Variants in KCNAB2 observed in about 807,000 individuals in gnomAD.
The protein encoded by KCNAB2 is voltage-gated potassium channel subunit beta-2.
In KCNAB2, 29 loss-of-function variants were observed where a neutral mutation model predicts 63.6. That is an observed-to-expected ratio of 0.46 (90% CI 0.34 to 0.62). KCNAB2 has a LOEUF of 0.62. Among genes scored for constraint, KCNAB2 ranks in the 20% least tolerant of loss-of-function variants. The pLI, the probability that KCNAB2 is intolerant of heterozygous loss-of-function variation, is 0.01. For missense variants in KCNAB2, 359 were observed against 563.9 expected, an observed-to-expected ratio of 0.64 and a Z score of 3.68; for synonymous variants, 222 against 224.2, an observed-to-expected ratio of 0.99 and a Z score of 0.09.
chr1:6,053,613 A>G (rs1396791461), intron 2 of KCNAB2, among the ~76,000 whole-genome samples: 1 of 152,166 alleles, frequency 6.6e-6, no homozygotes, highest in Non-Finnish European at 1.5e-5. Flanking sequence ...CCAGGCGGCT[A>G]GGCTGGAGGG....
chr1:6,066,231 C>T (rs918775319), intron 2 of KCNAB2, among the ~76,000 whole-genome samples: 2 of 152,212 alleles, frequency 1.3e-5, no homozygotes, highest in African/African-American at 2.4e-5. Flanking sequence ...CAGAGCCTCC[C>T]GTGTGCCGGT....
Position 6,098,632 on chromosome 1 carries a change from G to A in KCNAB2, c.*58G>A, listed in dbSNP as rs1424493977. The A allele has an allele frequency of 2.7e-5, 43 of 1,584,484 alleles. No individual in the cohort carries two copies. The highest frequency in any genetic ancestry group is 4.5e-5 in the East Asian group (2 of 44,322). ...GTTCCCTCCTAGTCTCTGTTCGCTC[G>A]CTTAAGCTGTTTTGAAGCCAAGTGA... On this transcript the variant is annotated 3_prime_UTR_variant, in exon 16 of 16. Transcript: ENST00000378083.
Position 6,097,268 on chromosome 1 carries a change from G to T in KCNAB2, c.1070-1G>T. On this transcript the variant is annotated splice_acceptor_variant, in intron 14 of 15. Transcript: ENST00000378083. LOFTEE classifies it high-confidence loss of function. The stretch of plus-strand genomic sequence containing the variant: ...CCTCACCTTGGGTCTCGCCGCCACA[G>T]CCTGGTGCCTGAGGAATGAGGGAGT... 6.5e-7 allele frequency: 1 copy of T among 1,544,082 alleles called. No individual in the cohort carries two copies. Among genetic ancestry groups the T allele is most frequent in the Non-Finnish European group, 8.8e-7 (1 of 1,142,150 alleles).
At chr1:6,030,223 C>T (rs1659487207), upstream of KCNAB2, among the ~76,000 whole-genome samples, 1 of 152,222 alleles carries the variant, frequency 6.6e-6, no homozygotes, top group South Asian at 2.1e-4. Context: ...TTATCATGCA[C>T]TCATGGAGCA....
chr1:6,014,462 A>G (rs538945868), intron 1 of KCNAB2, among the ~76,000 whole-genome samples: 20 of 152,384 alleles, frequency 1.3e-4, no homozygotes, highest in South Asian at 4.1e-4. Flanking sequence ...ATTTCAGTGC[A>G]GGAGGGAGAA....
chr1:6,083,237 G>A (rs1468400715), intron 5 of KCNAB2, among the ~76,000 whole-genome samples: 2 of 152,188 alleles, frequency 1.3e-5, no homozygotes, highest in Non-Finnish European at 2.9e-5. Flanking sequence ...AGGGGTCTGA[G>A]GTCAAAAAGC....
In KCNAB2 at chr1:6,040,578, G is replaced by GAATC; in HGVS notation, c.13_16dup (p.Thr6IlefsTer63). 6.2e-7 allele frequency: 1 copy of GAATC among 1,614,182 alleles called. No individual in the cohort carries two copies. Among genetic ancestry groups the GAATC allele is most frequent in the Non-Finnish European group, 8.5e-7 (1 of 1,179,998 alleles). On this transcript the variant is annotated frameshift_variant, in exon 2 of 16. Coordinates refer to the KCNAB2 transcript ENST00000164247. LOFTEE classifies it high-confidence loss of function. ...AAGTGAGGCTGGCTCCATGTATCCAGAATCAACGACGGGCTCCCCGGCTCG... is the reference window on the plus strand; with the variant it reads ...AAGTGAGGCTGGCTCCATGTATCCAGAATCAATCAACGACGGGCTCCCCGGCTCG...
chr1:6,008,909 G>T (rs537584398), intron 1 of KCNAB2, among the ~76,000 whole-genome samples: 1 of 152,310 alleles, frequency 6.6e-6, no homozygotes, highest in East Asian at 1.9e-4. Flanking sequence ...CCTGGGCGGA[G>T]AGTGAGACCC....
At chr1:6,021,695 GT>G (rs1400915598) in intron 1 of KCNAB2, among the ~76,000 whole-genome samples, 1 of 151,444 alleles carries the variant, frequency 6.6e-6, no homozygotes, top group Non-Finnish European at 1.5e-5. Context: ...TGAGGGTATG[GT>G]TCAGTGGTAC....
At chr1:6,006,696 A>AT (rs1355019977) in intron 1 of KCNAB2, among the ~76,000 whole-genome samples, 59 of 38,964 alleles carry the variant, frequency 1.5e-3, no homozygotes, top group African/African-American at 5.4e-3. Flanking sequence ...CAGCTCCCAC[A>AT]TCCCCCACTT....
At chr1:6,023,063 G>A (rs1238787662) in intron 1 of KCNAB2, among the ~76,000 whole-genome samples, 4 of 151,930 alleles carry the variant, frequency 2.6e-5, no homozygotes, top group Non-Finnish European at 4.4e-5. Flanking sequence ...TGTATTTTTA[G>A]TAGAGACGGG....
At chr1:6,098,255 C>A in intron 15 of KCNAB2, 1 of 1,334,764 alleles carries the variant, frequency 7.5e-7, no homozygotes, top group Non-Finnish European at 9.6e-7. Flanking sequence ...TTCTAGGGCA[C>A]CTTGACATTT....
Position 6,051,734 on chromosome 1 carries a change from G to A in KCNAB2, c.198G>A (p.Gln66=). ...TTTCCCTGGACGGCTGCACCGCCCA[G>A]CGCACAGGCATGAAGTATCGGTAAG... ...HGLSLDGCTA[Q]RTGMKYRNLG... The change falls in exon 2 of 16, where the codon CAG becomes CAA. Residue 66 remains glutamine, a synonymous_variant. Transcript: ENST00000378083. 2 of 1,533,362 alleles carry A rather than the reference G, an allele frequency of 1.3e-6. No individual in the cohort carries two copies. The highest frequency in any genetic ancestry group is 1.7e-6 in the Non-Finnish European group (2 of 1,146,492). 95.0% of individuals were successfully genotyped at this position (1,533,362 alleles called of 1,614,324 possible).
At chr1:5,999,089 C>G (rs1189764617) in intron 1 of KCNAB2, among the ~76,000 whole-genome samples, 1 of 152,274 alleles carries the variant, frequency 6.6e-6, no homozygotes, top group Non-Finnish European at 1.5e-5. Flanking sequence ...TTCAACGGCG[C>G]ATTCTTCCAT....
intron 1 of KCNAB2, among the ~76,000 whole-genome samples, chr1:6,004,596 C>G (rs372987925): frequency 9.4e-5 from 14 of 149,510 alleles, no homozygotes; most frequent in African/African-American, 3.4e-4. Flanking sequence ...AGATTCTGCC[C>G]CCATCGCCAC....
intron 6 of KCNAB2, chr1:6,085,950 CAAAGGT>C (rs1664663160): frequency 1.0e-6 from 1 of 985,320 alleles, no homozygotes; most frequent in African/African-American, 1.7e-5. Context: ...TGATGGAGCC[CAAAGGT>C]CGCAGATCGG....
At chr1:6,005,388 G>C (rs1261864474) in intron 1 of KCNAB2, among the ~76,000 whole-genome samples, 1 of 86,448 alleles carries the variant, frequency 1.2e-5, no homozygotes. Flanking sequence ...TGAACTGGGG[G>C]ATGTGGGAGC....
intron 1 of KCNAB2, among the ~76,000 whole-genome samples, chr1:6,001,926 C>G (rs1657284556): frequency 6.6e-6 from 1 of 152,168 alleles, no homozygotes; most frequent in Non-Finnish European, 1.5e-5. Context: ...TGGTGCAGCT[C>G]TCTGACTGAG....
At chr1:6,033,358 G>T (rs201264479), upstream of KCNAB2, among the ~76,000 whole-genome samples, 5 of 149,354 alleles carry the variant, frequency 3.3e-5, no homozygotes, top group Non-Finnish European at 7.4e-5. Flanking sequence ...TGTGCGTGTG[G>T]GTGTGTGTGC....
Sources: allele counts gnomAD v4.1 joint callset (sites outside exome capture counted in the v4.1 genomes callset), GRCh38; gene constraint gnomAD v4.1.1; transcripts MANE v1.5; gene names NCBI Gene and HGNC (gene_info 2026-07-23, HGNC 2026-07-21).